The following CTDP1 variants were observed in gnomAD, a reference collection of about 807,000 sequenced individuals.
The protein encoded by CTDP1 is CTD phosphatase 1, also known as RNA polymerase II subunit A C-terminal domain phosphatase.
Under a neutral mutation model 91.8 loss-of-function variants are expected in CTDP1, and 47 were observed. The observed-to-expected ratio is 0.51, with a 90% CI of 0.41 to 0.65. CTDP1 has a LOEUF of 0.65. CTDP1 is among the 30% of genes least tolerant of loss of function. The pLI, the probability that CTDP1 is intolerant of heterozygous loss-of-function variation, is 0.00. For missense variants in CTDP1, 1,272 were observed against 1,373.7 expected (o/e 0.93, Z 1.17); for synonymous variants, 656 against 598.5 (o/e 1.10, Z -1.40).
chr18:79,686,772 T>C (rs1299356702), intron 1 of CTDP1, among the ~76,000 whole-genome samples: 2 of 152,036 alleles, frequency 1.3e-5, no homozygotes, highest in Admixed American at 6.5e-5. Flanking sequence ...TGTTGGCTTC[T>C]CCAGTTCACT....
intron 12 of CTDP1, among the ~76,000 whole-genome samples, chr18:79,743,629 A>G (rs2086825847): frequency 6.6e-6 from 1 of 151,500 alleles, no homozygotes; most frequent in Non-Finnish European, 1.5e-5. Context: ...TGTTGGGTTC[A>G]TGGCGTGCAT....
At chr18:79,700,916 A>G (rs111843231) in intron 4 of CTDP1, among the ~76,000 whole-genome samples, 6,275 of 152,292 alleles carry the variant, frequency 0.041, 199 homozygotes, top group South Asian at 0.16. Flanking sequence ...AGGGCCCTTA[A>G]GAATGATGCT....
intron 1 of CTDP1, 86 bp downstream of exon 1, chr18:79,680,347 G>T: frequency 9.1e-7 from 1 of 1,099,038 alleles, no homozygotes; most frequent in Non-Finnish European, 1.2e-6. Flanking sequence ...CGTCCGCGGT[G>T]GGCAGGGGCG....
intron 12 of CTDP1, among the ~76,000 whole-genome samples, chr18:79,749,411 C>T (rs1021783641): frequency 3.3e-5 from 5 of 151,814 alleles, no homozygotes; most frequent in African/African-American, 1.2e-4. Context: ...CCAGCACCCC[C>T]GAGTCTGGCC....
chr18:79,732,559 T>C (rs112694385), intron 11 of CTDP1, among the ~76,000 whole-genome samples: 28 of 125,504 alleles, frequency 2.2e-4, no homozygotes, highest in Admixed American at 8.0e-4. Flanking sequence ...CAAAATCACG[T>C]GAGACATGAG....
intron 1 of CTDP1, 143 bp downstream of exon 1, chr18:79,680,404 C>G (rs991707028): frequency 4.3e-5 from 27 of 622,818 alleles, no homozygotes; most frequent in African/African-American, 2.7e-4. Context: ...CTGCGCTTCT[C>G]CCCTAAAACT....
intron 6 of CTDP1, among the ~76,000 whole-genome samples, chr18:79,711,205 A>G (rs1256516236): frequency 6.6e-6 from 1 of 152,070 alleles, no homozygotes; most frequent in African/African-American, 2.4e-5. Context: ...ATTCGATGTC[A>G]GCCCGCCACC....
Position 79,746,326 on chromosome 18 carries a change from C to T in CTDP1, c.2748-7326C>T, listed in dbSNP as rs12606049. On this transcript the variant is annotated intron_variant, in intron 12 of 12. Transcript: ENST00000613122. The stretch of plus-strand genomic sequence containing the variant: ...GTCCCTCCCGTGCGCGTTCTGTCCC[C>T]GCGTCCCTCCCGTGCGCGTTCTGAC... 4.7e-3 allele frequency among the ~76,000 whole-genome samples: 244 copies of T among 51,378 alleles called. 29 individuals are homozygous for T. Among genetic ancestry groups the T allele is most frequent in the Middle Eastern group, 0.018 (1 of 56 alleles). The allele number at this position is 51,378 out of a possible 152,430, so 33.7% of individuals were successfully genotyped here. A position where few individuals can be genotyped will look rare whatever the true frequency, so the allele number is the denominator to read the frequency against.
At chr18:79,750,433 A>C (rs976502632) in intron 12 of CTDP1, among the ~76,000 whole-genome samples, 2 of 152,096 alleles carry the variant, frequency 1.3e-5, no homozygotes, top group African/African-American at 4.8e-5. Flanking sequence ...AGTTGACATA[A>C]AAATAAATTC....
chr18:79,714,698 C>G lies in CTDP1; in HGVS notation c.1238C>G (p.Pro413Arg). 6.2e-7 allele frequency: 1 copy of G among 1,608,764 alleles called. No individual in the cohort carries two copies. ...ERDIWPPAQA[P>R]TSSQELAGAP... ...GACATCTGGCCCCCTGCCCAGGCCC[C>G]CACCAGCAGCCAAGAGCTGGCAGGC... The change falls in exon 8 of 13, where the codon CCC becomes CGC. Residue 413 changes from proline to arginine, a missense_variant. This residue lies in a region of CTDP1 where 881 missense variants were observed against 911.6 expected (regional missense o/e 0.97). Coordinates refer to ENST00000613122, the MANE Select transcript of CTDP1 (RefSeq NM_004715.5).
rs1001611502 is a variant in CTDP1, at chr18:79,750,369, C to G, written c.2748-3283C>G. ...CCCAGCTAATTTGCAACCCCTCACT[C>G]TCATGTAGCAATTAAAAGTAAGCCT... On this transcript the variant is annotated intron_variant, in intron 12 of 12. Transcript: ENST00000613122. Among the ~76,000 whole-genome samples, 7 of 152,142 alleles carry G rather than the reference C, an allele frequency of 4.6e-5. No individual in the cohort carries two copies. The South Asian group carries it at 8.3e-4, about 18-fold the overall frequency.
intron 4 of CTDP1, among the ~76,000 whole-genome samples, chr18:79,704,526 G>A (rs947243449): frequency 6.6e-6 from 1 of 152,110 alleles, no homozygotes; most frequent in Non-Finnish European, 1.5e-5. Flanking sequence ...GTGGAGGGGC[G>A]TGTACATGCA....
intron 1 of CTDP1, among the ~76,000 whole-genome samples, chr18:79,687,789 C>T (rs893660442): frequency 6.6e-6 from 1 of 152,256 alleles, no homozygotes; most frequent in African/African-American, 2.4e-5. Flanking sequence ...GCATTTGACA[C>T]CATGGCTCCC....
intron 10 of CTDP1, among the ~76,000 whole-genome samples, chr18:79,724,095 C>T (rs1355525231): frequency 6.6e-6 from 1 of 152,210 alleles, no homozygotes; most frequent in Non-Finnish European, 1.5e-5. Flanking sequence ...CTCCAAGGTT[C>T]GCATCTTTCT....
chr18:79,715,832 G>A (rs1197489130), intron 8 of CTDP1, among the ~76,000 whole-genome samples: 3 of 152,212 alleles, frequency 2.0e-5, no homozygotes, highest in Non-Finnish European at 4.4e-5. Flanking sequence ...CGATAGGGAC[G>A]TAGTGGAGAA....
intron 11 of CTDP1, among the ~76,000 whole-genome samples, chr18:79,732,994 C>T (rs970051310): frequency 3.9e-5 from 6 of 152,210 alleles, no homozygotes; most frequent in African/African-American, 1.4e-4. Context: ...GATTTTTCTT[C>T]TGGAAGCGAC....
At chr18:79,738,287 T>C (rs1024507812) in intron 12 of CTDP1, among the ~76,000 whole-genome samples, 6 of 152,228 alleles carry the variant, frequency 3.9e-5, no homozygotes, top group African/African-American at 1.2e-4. Context: ...CTTGCCCGCC[T>C]GTTAGACAGG....
intron 11 of CTDP1, among the ~76,000 whole-genome samples, chr18:79,731,478 T>C (rs1211579509): frequency 6.6e-6 from 1 of 152,176 alleles, no homozygotes; most frequent in Non-Finnish European, 1.5e-5. Flanking sequence ...GTCAGTGCTG[T>C]GGGAATGTGT....
rs35456241 is a variant in CTDP1, at chr18:79,718,011, C to T, written c.2412C>T (p.Ser804=). The change falls in exon 10 of 13, where the codon TCC becomes TCT. Residue 804 remains serine (S), a synonymous_variant. Transcript: ENST00000613122. ...TACCCATCCGCCAGGAGCCCTCTTCCTTCAGGTACGTGGCGGCCCAGCCAC... is the reference window on the plus strand; with the variant it reads ...TACCCATCCGCCAGGAGCCCTCTTCTTTCAGGTACGTGGCGGCCCAGCCAC... ...SSLPIRQEPS[S]FRAVPPPQPQ... is the part of the protein sequence containing the mutation. The T allele has an allele frequency of 0.05, 80,114 of 1,613,164 alleles. 2,667 individuals are homozygous for T. Among genetic ancestry groups the T allele is most frequent in the South Asian group, 0.15 (13,514 of 91,080 alleles).
Sources: gnomAD v4.1 joint callset for allele counts (sites outside exome capture counted in the v4.1 genomes callset) on GRCh38, gnomAD v4.1.1 for gene constraint, gnomAD v4.1.1 regional missense constraint, MANE v1.5 for transcripts, NCBI Gene and HGNC (gene_info 2026-07-23, HGNC 2026-07-21) for gene names.